Variants in HS6ST2 observed in about 807,000 individuals in gnomAD.
HS6ST2 encodes the protein heparan sulfate 6-O-sulfotransferase 2.
HS6ST2 carries 17 observed loss-of-function variants against 33.0 expected under a neutral mutation model. The observed-to-expected ratio is 0.52, with a 90% confidence interval of 0.35 to 0.77. HS6ST2 has a LOEUF of 0.77. Ranked by LOEUF, HS6ST2 falls within the 30% of genes least tolerant of loss-of-function variation. The pLI, the probability that HS6ST2 is intolerant of heterozygous loss-of-function variation, is 0.01. For synonymous variants in HS6ST2, 248 were observed against 237.1 expected (o/e 1.05, Z -0.42); for missense variants, 519 against 551.7 (o/e 0.94, Z 0.59).
chrX:132,884,534 T>G (rs1017302718), intron 2 of HS6ST2, among the ~76,000 whole-genome samples: 1 of 111,842 alleles, frequency 8.9e-6, no homozygotes, highest in Non-Finnish European at 1.9e-5. Context: ...AGACACTAAG[T>G]GCCATCACAA....
intron 3 of HS6ST2, among the ~76,000 whole-genome samples, chrX:132,707,664 C>T (rs1023841009): frequency 8.9e-6 from 1 of 112,005 alleles, no homozygotes; most frequent in Non-Finnish European, 1.9e-5. Context: ...AGCCAATAAG[C>T]CTACAAAAAG....
intron 2 of HS6ST2, among the ~76,000 whole-genome samples, chrX:132,803,216 C>T (rs2065251999): frequency 9.0e-6 from 1 of 111,374 alleles, no homozygotes; most frequent in Admixed American, 9.6e-5. Context: ...TTTTCCTAGT[C>T]TCTTCTTTTT....
At chrX:132,708,520 C>A (rs372889155) in intron 2 of HS6ST2, 26 bp from the exon 3 acceptor site, 1 of 1,160,298 alleles carries the variant, frequency 8.6e-7, no homozygotes, top group Non-Finnish European at 1.2e-6. Context: ...TAAAACCAGT[C>A]GCTAGCAAGA....
At chrX:132,710,469 AATAAAACAG>A (rs2064221960) in intron 2 of HS6ST2, among the ~76,000 whole-genome samples, 2 of 111,349 alleles carry the variant, frequency 1.8e-5, no homozygotes, top group Non-Finnish European at 3.8e-5. Flanking sequence ...CTGAGTAGTG[AATAAAACAG>A]ACAAAAATCC....
intron 2 of HS6ST2, among the ~76,000 whole-genome samples, chrX:132,905,698 G>T (rs1455100927): frequency 8.9e-6 from 1 of 111,803 alleles, no homozygotes; most frequent in Non-Finnish European, 1.9e-5. Flanking sequence ...AGGATCACTT[G>T]AGCCAAGGAA....
chrX:132,718,133 C>T (rs777601379), intron 2 of HS6ST2, among the ~76,000 whole-genome samples: 15 of 111,989 alleles, frequency 1.3e-4, no homozygotes, highest in African/African-American at 4.5e-4. Context: ...ATGCCACACA[C>T]TATAGGAATT....
chrX:132,839,328 A>G (rs1318646012), intron 2 of HS6ST2, among the ~76,000 whole-genome samples: 13 of 93,900 alleles, frequency 1.4e-4, no homozygotes, highest in Admixed American at 6.1e-4. Context: ...ACACACATGT[A>G]TGTATATACA....
chrX:132,794,389 T>C (rs1411962586), intron 2 of HS6ST2, among the ~76,000 whole-genome samples: 1 of 111,164 alleles, frequency 9.0e-6, no homozygotes, highest in East Asian at 2.8e-4. Context: ...CACATATGTC[T>C]CCTTATTTAT....
intron 4 of HS6ST2, among the ~76,000 whole-genome samples, chrX:132,647,741 G>A (rs373332810): frequency 1.8e-5 from 2 of 112,536 alleles, no homozygotes; most frequent in East Asian, 5.6e-4. Context: ...AGTGAAGTTT[G>A]GCCAAGTGTT....
chrX:132,629,196 C>A lies in HS6ST2; in HGVS notation c.1068-103G>T. 12 of 909,885 alleles carry A rather than the reference C, an allele frequency of 1.3e-5. No individual in the cohort carries two copies. In the Admixed American group the frequency reaches 2.1e-4, roughly 16 times the overall value. The allele number at this position is 909,885 out of a possible 1,213,427, so 75.0% of individuals were successfully genotyped here. On this transcript the variant is annotated intron_variant, in intron 4 of 4. Transcript: ENST00000370833. ...GGTGTTCACTGGCTAAAAAGGAAGG[C>A]AAAGCAAAAATGACAGGGATCTGAT...
At chrX:132,727,198 C>A (rs1291805733) in intron 2 of HS6ST2, among the ~76,000 whole-genome samples, 3 of 104,205 alleles carry the variant, frequency 2.9e-5, no homozygotes, top group African/African-American at 1.1e-4. Flanking sequence ...TAGATCTGTT[C>A]TGAGCACCAG....
chrX:132,721,383 A>G (rs1369135158), intron 2 of HS6ST2, among the ~76,000 whole-genome samples: 1 of 112,194 alleles, frequency 8.9e-6, no homozygotes, highest in Non-Finnish European at 1.9e-5. Flanking sequence ...GAAACAAATG[A>G]TAGTAGAAGC....
chrX:132,688,120 AT>A (rs919786422), intron 3 of HS6ST2, among the ~76,000 whole-genome samples: 6 of 111,976 alleles, frequency 5.4e-5, no homozygotes, highest in African/African-American at 1.9e-4. Flanking sequence ...CTCTGTTGTG[AT>A]TTTACAGAAG....
At chrX:132,678,516 T>C (rs913644296) in intron 3 of HS6ST2, among the ~76,000 whole-genome samples, 2 of 112,755 alleles carry the variant, frequency 1.8e-5, no homozygotes, top group Non-Finnish European at 3.7e-5. Flanking sequence ...ACTTTGTACT[T>C]TTCTCTTCAC....
intron 2 of HS6ST2, among the ~76,000 whole-genome samples, chrX:132,813,867 GAATA>G (rs1211417786): frequency 1.8e-5 from 2 of 111,841 alleles, no homozygotes; most frequent in Non-Finnish European, 3.8e-5. Flanking sequence ...ATAAATAAGT[GAATA>G]AATACTCAGT....
At chrX:132,759,540 C>T (rs2064786323) in intron 2 of HS6ST2, among the ~76,000 whole-genome samples, 1 of 110,451 alleles carries the variant, frequency 9.1e-6, no homozygotes, top group Non-Finnish European at 1.9e-5. Flanking sequence ...TTAATGCATA[C>T]GGGTCTCATT....
At chrX:132,766,767 A>G (rs552083857) in intron 2 of HS6ST2, among the ~76,000 whole-genome samples, 50 of 112,208 alleles carry the variant, frequency 4.5e-4, no homozygotes, top group African/African-American at 1.6e-3. Context: ...TACCACATGT[A>G]ATGAAGTCTT....
chrX:132,911,855 T>C (rs1222030441), intron 2 of HS6ST2, among the ~76,000 whole-genome samples: 2 of 111,089 alleles, frequency 1.8e-5, no homozygotes, highest in Non-Finnish European at 3.8e-5. Context: ...GCCAGGATGG[T>C]TGCGATCTCC....
At chrX:132,778,180 A>G (rs1206052972) in intron 2 of HS6ST2, among the ~76,000 whole-genome samples, 3 of 111,883 alleles carry the variant, frequency 2.7e-5, no homozygotes, top group African/African-American at 6.5e-5. Context: ...CATAAAGGCA[A>G]TCACAACCAA....
Sources: allele counts gnomAD v4.1 joint callset (sites outside exome capture counted in the v4.1 genomes callset), GRCh38; gene constraint gnomAD v4.1.1; transcripts MANE v1.5; gene names NCBI Gene and HGNC (gene_info 2026-07-23, HGNC 2026-07-21).